Variants in CNTN4 observed in about 807,000 individuals in gnomAD.
CNTN4 encodes the protein contactin 4, also known as contactin-4.
CNTN4 carries 77 observed loss-of-function variants against 122.5 expected under a neutral mutation model. The ratio of observed to expected loss-of-function variants is 0.63; its 90% CI spans 0.52 to 0.76. The LOEUF is 0.76. Ranked by LOEUF, CNTN4 falls within the 30% of genes least tolerant of loss-of-function variation. The probability of loss-of-function intolerance (pLI) is 0.00; values close to 1 mark genes in which losing one functional copy is unlikely to be tolerated. For synonymous variants in CNTN4, 512 were observed against 447.0 expected, an observed-to-expected ratio of 1.15 and a Z score of -1.83; for missense variants, 1,256 against 1,259.1, an observed-to-expected ratio of 1.00 and a Z score of 0.04.
intron 6 of CNTN4, among the ~76,000 whole-genome samples, chr3:2,774,943 A>ACAGT (rs1230268066): frequency 6.6e-6 from 1 of 152,234 alleles, no homozygotes; most frequent in African/African-American, 2.4e-5. Context: ...CATAGCCTGA[A>ACAGT]CAGTCCTCTT....
intron 4 of CNTN4, among the ~76,000 whole-genome samples, chr3:2,643,582 G>A (rs1247198340): frequency 6.6e-6 from 1 of 152,178 alleles, no homozygotes; most frequent in Non-Finnish European, 1.5e-5. Context: ...GCGAGATGCT[G>A]AGGATATAGC....
At position 3,056,466 on chromosome 3, in the gene CNTN4, G is replaced by A; in HGVS notation, c.*246G>A. On this transcript the variant is annotated 3_prime_UTR_variant, in exon 25 of 25. Transcript: ENST00000418658. ...TCTGTAATATGATGTTACCAAAGCA[G>A]TTTACATATGTCCTTATATGCATAT... The A allele has an allele frequency of 2.6e-6, 1 of 387,286 alleles. No individual in the cohort carries two copies. Among genetic ancestry groups the A allele is most frequent in the Non-Finnish European group, 4.7e-6 (1 of 210,742 alleles). 24.0% of individuals were successfully genotyped at this position (387,286 alleles called of 1,614,324 possible).
intron 6 of CNTN4, among the ~76,000 whole-genome samples, chr3:2,784,084 C>A (rs1399121471): frequency 6.6e-6 from 1 of 152,042 alleles, no homozygotes; most frequent in East Asian, 1.9e-4. Context: ...ACTATATTAC[C>A]TGCTGAAATT....
chr3:2,274,519 C>CTT (rs55959196), intron 2 of CNTN4, among the ~76,000 whole-genome samples: 131 of 151,106 alleles, frequency 8.7e-4, no homozygotes, highest in African/African-American at 2.9e-3. Context: ...TCCTTATTTG[C>CTT]TTTTTTTTTC....
At chr3:3,008,275 A>C (rs1696849749) in intron 14 of CNTN4, among the ~76,000 whole-genome samples, 3 of 152,176 alleles carry the variant, frequency 2.0e-5, no homozygotes, top group South Asian at 4.1e-4. Context: ...AGATAGAGCA[A>C]GTCAAGCAGA....
chr3:2,386,879 G>A (rs2046274453), intron 3 of CNTN4, among the ~76,000 whole-genome samples: 2 of 152,176 alleles, frequency 1.3e-5, no homozygotes, highest in Admixed American at 1.3e-4. Context: ...TTTGAGATAA[G>A]ATGTAGCTGC....
chr3:2,151,274 A>T (rs2035484271), intron 2 of CNTN4, among the ~76,000 whole-genome samples: 1 of 152,118 alleles, frequency 6.6e-6, no homozygotes, highest in East Asian at 1.9e-4. Context: ...GAAAATGATG[A>T]ATAGGAAAAT....
intron 2 of CNTN4, among the ~76,000 whole-genome samples, chr3:2,229,811 G>T (rs1482989314): frequency 1.3e-5 from 2 of 152,096 alleles, no homozygotes; most frequent in African/African-American, 4.8e-5. Flanking sequence ...CAATTTTACA[G>T]GGTTTACAGG....
At chr3:2,156,519 C>T (rs545952214) in intron 2 of CNTN4, among the ~76,000 whole-genome samples, 1 of 152,244 alleles carries the variant, frequency 6.6e-6, no homozygotes, top group East Asian at 1.9e-4. Flanking sequence ...ACTTCCTGTC[C>T]ATTACGCATG....
At chr3:2,337,360 T>C (rs2150340428) in intron 2 of CNTN4, among the ~76,000 whole-genome samples, 1 of 152,304 alleles carries the variant, frequency 6.6e-6, no homozygotes, top group South Asian at 2.1e-4. Context: ...GCTTTTTGTG[T>C]GTACAGTCAC....
At chr3:2,221,170 A>G (rs989089682) in intron 2 of CNTN4, among the ~76,000 whole-genome samples, 3 of 152,154 alleles carry the variant, frequency 2.0e-5, no homozygotes, top group Non-Finnish European at 4.4e-5. Context: ...TTATGCTAAA[A>G]GAATGAAAAC....
chr3:2,704,147 A>G (rs904227502), intron 4 of CNTN4, among the ~76,000 whole-genome samples: 6 of 151,604 alleles, frequency 4.0e-5, no homozygotes, highest in African/African-American at 1.5e-4. Flanking sequence ...AAATACAAAA[A>G]TTAGCCAGGT....
At chr3:2,407,275 G>T (rs181198030) in intron 3 of CNTN4, among the ~76,000 whole-genome samples, 118 of 152,148 alleles carry the variant, frequency 7.8e-4, no homozygotes, top group African/African-American at 2.7e-3. Flanking sequence ...GAAACAGAGG[G>T]AAAAAATTGA....
intron 3 of CNTN4, among the ~76,000 whole-genome samples, chr3:2,376,453 A>T (rs953034485): frequency 6.6e-6 from 1 of 152,208 alleles, no homozygotes; most frequent in Non-Finnish European, 1.5e-5. Context: ...GGGCAGGAGC[A>T]GTCAGGAAAG....
At chr3:2,485,528 C>T (rs948850502) in intron 3 of CNTN4, among the ~76,000 whole-genome samples, 1 of 146,974 alleles carries the variant, frequency 6.8e-6, no homozygotes, top group African/African-American at 2.7e-5. Context: ...ATCTTTTTGT[C>T]TAGCTTAGGG....
chr3:2,956,318 A>G (rs1255916925), intron 13 of CNTN4, among the ~76,000 whole-genome samples: 1 of 152,128 alleles, frequency 6.6e-6, no homozygotes, highest in Non-Finnish European at 1.5e-5. Flanking sequence ...TAGATGGGTA[A>G]AGAGTTTGCT....
chr3:2,861,411 A>G (rs986609012), intron 7 of CNTN4, among the ~76,000 whole-genome samples: 14 of 152,234 alleles, frequency 9.2e-5, no homozygotes, highest in Admixed American at 3.3e-4. Flanking sequence ...CAAAGGAACC[A>G]ATGAATACAT....
At chr3:2,132,859 A>G (rs1553573127) in intron 2 of CNTN4, among the ~76,000 whole-genome samples, 1 of 152,184 alleles carries the variant, frequency 6.6e-6, no homozygotes, top group Non-Finnish European at 1.5e-5. Context: ...CAGAAACTAC[A>G]GGGGAAATAA....
chr3:2,776,599 T>G (rs6808287), intron 6 of CNTN4, among the ~76,000 whole-genome samples: 12,396 of 152,192 alleles, frequency 0.081, 558 homozygotes, highest in East Asian at 0.12. Context: ...TGCCCTCTAC[T>G]CTTGGTAGAA....
Sources: gnomAD v4.1 joint callset for allele counts (sites outside exome capture counted in the v4.1 genomes callset) on GRCh38, gnomAD v4.1.1 for gene constraint, MANE v1.5 for transcripts, NCBI Gene and HGNC (gene_info 2026-07-23, HGNC 2026-07-21) for gene names.